DGCR2: variants seen among roughly 807,000 people sequenced by gnomAD.
DGCR2 encodes DiGeorge syndrome critical region gene 2, also known as integral membrane protein DGCR2/IDD.
A neutral mutation model predicts 51.6 loss-of-function variants in DGCR2; 24 were observed. That is an observed-to-expected ratio of 0.47 (90% confidence interval 0.34 to 0.65). The LOEUF is 0.65. Among genes scored for constraint, DGCR2 ranks in the 30% least tolerant of loss-of-function variants. The pLI is 0.01. For synonymous variants in DGCR2, 340 were observed against 315.4 expected (o/e 1.08, Z -0.82); for missense variants, 765 against 772.1 (o/e 0.99, Z 0.11).
Position 19,076,432 on chromosome 22 carries a change from T to A in DGCR2, c.203-8207A>T, listed in dbSNP as rs549928681. ...CGCCCGCCTCGGCCTCCCAAAGTGC[T>A]GGGATTACAGGCGTGAGCCACCGCG... On this transcript the variant is annotated intron_variant, in intron 2 of 9. Transcript: ENST00000263196. Among the ~76,000 whole-genome samples the A allele has an allele frequency of 2.3e-3, 343 of 152,252 alleles. 2 individuals carry two copies. Among genetic ancestry groups the A allele is most frequent in the African/African-American group, 7.9e-3 (327 of 41,516 alleles).
At chr22:19,071,847 G>C (rs2082819245) in intron 2 of DGCR2, among the ~76,000 whole-genome samples, 1 of 152,072 alleles carries the variant, frequency 6.6e-6, no homozygotes, top group Non-Finnish European at 1.5e-5. Flanking sequence ...TAGTATTTAG[G>C]GGTAGAATAT....
At chr22:19,102,767 A>G (rs2083217248) in intron 1 of DGCR2, among the ~76,000 whole-genome samples, 1 of 152,120 alleles carries the variant, frequency 6.6e-6, no homozygotes, top group South Asian at 2.1e-4. Flanking sequence ...GAACTTTGGG[A>G]GGCTGAGACA....
At chr22:19,077,817 TC>T (rs1172035640) in intron 2 of DGCR2, among the ~76,000 whole-genome samples, 1 of 150,116 alleles carries the variant, frequency 6.7e-6, no homozygotes, top group Non-Finnish European at 1.5e-5. Context: ...GGAACATCTC[TC>T]AATTTATTTT....
chr22:19,037,746 CAGG>C lies in DGCR2; in HGVS notation c.*1116_*1118del, dbSNP rs2082386420. 1 of 152,468 alleles carries C rather than the reference CAGG, an allele frequency of 6.6e-6. No individual in the cohort carries two copies. The highest frequency in any genetic ancestry group is 1.5e-5 in the Non-Finnish European group (1 of 68,068). 9.4% of individuals were successfully genotyped at this position (152,468 alleles called of 1,614,324 possible). A position where few individuals can be genotyped will look rare whatever the true frequency, so the allele number is the denominator to read the frequency against. On this transcript the variant is annotated 3_prime_UTR_variant, in exon 10 of 10. Transcript: ENST00000263196. ...TGTGTCAGGCAACAAAACCACTGCC[CAGG>C]AGCAGGCAACAGGGTCCGTCAGGCA...
chr22:19,062,779 A>ACTCTCTCTCTCTCTCTCT lies in DGCR2; in HGVS notation c.625+405_625+422dup, dbSNP rs11471797. Among the ~76,000 whole-genome samples the ACTCTCTCTCTCTCTCTCT allele has an allele frequency of 7.1e-4, 91 of 127,428 alleles. 2 individuals carry two copies. Among genetic ancestry groups the ACTCTCTCTCTCTCTCTCT allele is most frequent in the South Asian group, 1.7e-3 (6 of 3,478 alleles). 83.6% of individuals were successfully genotyped at this position (127,428 alleles called of 152,430 possible). A position where few individuals can be genotyped will look rare whatever the true frequency, so the allele number is the denominator to read the frequency against. The stretch of plus-strand genomic sequence containing the variant: ...TGCGCACACACACACATGCATGCTC[A>ACTCTCTCTCTCTCTCTCT]CTCTCTCTCTCTCTCTCTCTCTCTC... On this transcript the variant is annotated intron_variant, in intron 5 of 9. Coordinates refer to ENST00000263196, the MANE Select transcript of DGCR2 (RefSeq NM_005137.3).
intron 5 of DGCR2, among the ~76,000 whole-genome samples, chr22:19,062,775 G>GCTCTCTCTCTCTTCTCTCTTCTCTCTTCT (rs1491258740): frequency 2.8e-5 from 3 of 108,860 alleles, no homozygotes; most frequent in Non-Finnish European, 5.8e-5. Flanking sequence ...ACACATGCAT[G>GCTCTCTCTCTCTTCTCTCTTCTCTCTTCT]CTCACTCTCT....
At position 19,093,429 on chromosome 22, in the gene DGCR2, G is replaced by A. The variant is rs193258191; in HGVS notation, c.80-3939C>T. Among the ~76,000 whole-genome samples, 187 of 149,328 alleles carry A rather than the reference G, an allele frequency of 1.3e-3. 1 individual carries two copies. The highest frequency in any genetic ancestry group is 4.5e-3 in the African/African-American group (182 of 40,690). ...TGAAGCCTAAAACTATAAAACTCAA[G>A]AGAAGAAAACACAAGAAGAAAATCT... On this transcript the variant is annotated intron_variant, in intron 1 of 9. Coordinates refer to ENST00000263196, the MANE Select transcript of DGCR2 (RefSeq NM_005137.3).
Position 19,107,646 on chromosome 22 carries a change from G to A in DGCR2, c.79+14482C>T, listed in dbSNP as rs183519607. ...GAAGGGATCATATAAGATGAAAGAA[G>A]AGAAAGGCAGGTCCACCAAGCATAC... is the stretch of plus-strand genomic sequence containing the variant. On this transcript the variant is annotated intron_variant, in intron 1 of 9. Transcript: ENST00000263196. Among the ~76,000 whole-genome samples, 230 of 152,274 alleles carry A rather than the reference G, an allele frequency of 1.5e-3. 1 individual carries two copies. Among genetic ancestry groups the A allele is most frequent in the African/African-American group, 5.2e-3 (218 of 41,540 alleles).
chr22:19,115,050 G>A (rs1050409238), intron 1 of DGCR2, among the ~76,000 whole-genome samples: 9 of 152,196 alleles, frequency 5.9e-5, no homozygotes, highest in African/African-American at 2.2e-4. Flanking sequence ...AGCTCAGAGT[G>A]ACTGAAGCAA....
At chr22:19,086,987 T>C (rs185035795) in intron 2 of DGCR2, among the ~76,000 whole-genome samples, 96 of 152,342 alleles carry the variant, frequency 6.3e-4, no homozygotes, top group African/African-American at 2.2e-3. Context: ...CAAATGGCAC[T>C]TTGAGAACAA....
rs1054341296 is a variant in DGCR2, at chr22:19,036,629, C to T, written c.*2236G>A. 1 of 152,228 alleles carries T rather than the reference C, an allele frequency of 6.6e-6. No homozygotes were observed. Among genetic ancestry groups the T allele is most frequent in the Non-Finnish European group, 1.5e-5 (1 of 68,060 alleles). 9.4% of individuals were successfully genotyped at this position (152,228 alleles called of 1,614,324 possible). A position where few individuals can be genotyped will look rare whatever the true frequency, so the allele number is the denominator to read the frequency against. ...CAAGAACAGATGAGCGAGTCCAGCT[C>T]TCCTCATGCTCCCAAGGGCCTCCTG... On this transcript the variant is annotated 3_prime_UTR_variant, in exon 10 of 10. Transcript: ENST00000263196.
chr22:19,082,192 G>A (rs1187275645), intron 2 of DGCR2, among the ~76,000 whole-genome samples: 1 of 140,030 alleles, frequency 7.1e-6, no homozygotes, highest in Admixed American at 7.2e-5. Context: ...GGGACTACAA[G>A]TGTGTACCAC....
chr22:19,097,406 T>A (rs575113411), intron 1 of DGCR2, among the ~76,000 whole-genome samples: 1 of 151,990 alleles, frequency 6.6e-6, no homozygotes, highest in East Asian at 1.9e-4. Context: ...ACACAAAAAT[T>A]AGCCAGGTGT....
In DGCR2 at chr22:19,111,014, AT is replaced by A. The variant is rs560993592; in HGVS notation, c.79+11113del. Among the ~76,000 whole-genome samples, 13 of 152,176 alleles carry A rather than the reference AT, an allele frequency of 8.5e-5. No homozygotes were observed. The East Asian group carries it at 2.5e-3, about 29-fold the overall frequency. The stretch of plus-strand genomic sequence containing the variant: ...GTATGTTTTATATTCAGTTATACAC[AT>A]TTTTTTCCTTTTAAAATACCTTTTC... On this transcript the variant is annotated intron_variant, in intron 1 of 9. Coordinates refer to ENST00000263196, the MANE Select transcript of DGCR2 (RefSeq NM_005137.3).
At chr22:19,113,567 G>A (rs2083340450) in intron 1 of DGCR2, among the ~76,000 whole-genome samples, 1 of 151,980 alleles carries the variant, frequency 6.6e-6, no homozygotes, top group South Asian at 2.1e-4. Flanking sequence ...AGCGCTCTGT[G>A]GGAAAATGCC....
At chr22:19,103,272 C>T (rs558815558) in intron 1 of DGCR2, among the ~76,000 whole-genome samples, 41 of 146,356 alleles carry the variant, frequency 2.8e-4, no homozygotes, top group African/African-American at 9.6e-4. Context: ...ATAGAGTTAC[C>T]GTTTGGGATG....
intron 5 of DGCR2, chr22:19,060,425 T>C (rs2082648122): frequency 6.5e-6 from 1 of 153,950 alleles, no homozygotes; most frequent in African/African-American, 2.4e-5. Flanking sequence ...ACCTGCAATG[T>C]GCGTGCTGAG....
At chr22:19,082,402 A>G (rs934372550) in intron 2 of DGCR2, among the ~76,000 whole-genome samples, 40 of 151,896 alleles carry the variant, frequency 2.6e-4, no homozygotes, top group African/African-American at 9.2e-4. Context: ...ATTTTAATCT[A>G]GCAAATTCAG....
At chr22:19,112,413 A>G (rs990191331) in intron 1 of DGCR2, among the ~76,000 whole-genome samples, 8 of 146,350 alleles carry the variant, frequency 5.5e-5, no homozygotes, top group African/African-American at 2.0e-4. Context: ...ATTATTTAAT[A>G]AACATGGTTT....
Sources: allele counts gnomAD v4.1 joint callset (sites outside exome capture counted in the v4.1 genomes callset), GRCh38; gene constraint gnomAD v4.1.1; transcripts MANE v1.5; gene names NCBI Gene and HGNC (gene_info 2026-07-23, HGNC 2026-07-21).